Variants in ASTN2 observed in about 807,000 individuals in gnomAD.
ASTN2 encodes the protein astrotactin-2.
ASTN2 carries 54 observed loss-of-function variants against 139.8 expected under a neutral mutation model. The ratio of observed to expected loss-of-function variants is 0.39; its 90% CI spans 0.31 to 0.48. The LOEUF (loss-of-function observed/expected upper bound fraction) is 0.48, where lower values mean the gene tolerates loss of function less well. ASTN2 is among the 20% of genes least tolerant of loss of function. ASTN2 has a pLI of 0.95. For synonymous variants in ASTN2, 756 were observed against 719.5 expected, an observed-to-expected ratio of 1.05 and a Z score of -0.81; for missense variants, 1,565 against 1,725.1, an observed-to-expected ratio of 0.91 and a Z score of 1.64.
At chr9:116,840,982 C>G (rs540749820) in intron 11 of ASTN2, among the ~76,000 whole-genome samples, 1 of 152,064 alleles carries the variant, frequency 6.6e-6, no homozygotes, top group African/African-American at 2.4e-5. Flanking sequence ...GGGTGGCGGC[C>G]GGGCAGAGGC....
At chr9:116,970,678 C>T (rs954505997) in intron 10 of ASTN2, among the ~76,000 whole-genome samples, 1 of 152,196 alleles carries the variant, frequency 6.6e-6, no homozygotes, top group Non-Finnish European at 1.5e-5. Context: ...AGGAGACATT[C>T]CTAATTCTAT....
At chr9:117,093,013 C>T (rs1164358130) in intron 5 of ASTN2, among the ~76,000 whole-genome samples, 1 of 152,090 alleles carries the variant, frequency 6.6e-6, no homozygotes, top group East Asian at 1.9e-4. Flanking sequence ...AAACAGGGTG[C>T]AAAGGAACCT....
At chr9:117,241,996 T>A (rs1312236939) in intron 2 of ASTN2, among the ~76,000 whole-genome samples, 5 of 145,850 alleles carry the variant, frequency 3.4e-5, no homozygotes, top group African/African-American at 1.3e-4. Flanking sequence ...AAACTTTCTT[T>A]GGCAAGTCTT....
chr9:116,653,527 C>T (rs114274298), intron 16 of ASTN2, among the ~76,000 whole-genome samples: 3,458 of 152,286 alleles, frequency 0.023, 134 homozygotes, highest in African/African-American at 0.079. Context: ...ATGTGCAGTG[C>T]ATAATCTGAG....
At chr9:117,025,791 T>C (rs1381244958) in intron 6 of ASTN2, among the ~76,000 whole-genome samples, 1 of 143,362 alleles carries the variant, frequency 7.0e-6, no homozygotes, top group Non-Finnish European at 1.5e-5. Context: ...CTTTTTTCTT[T>C]TCTTTTCTTT....
At chr9:117,131,980 T>C (rs1829838413) in intron 4 of ASTN2, among the ~76,000 whole-genome samples, 5 of 152,198 alleles carry the variant, frequency 3.3e-5, no homozygotes. Flanking sequence ...CATGATTTTA[T>C]ATGGTCAAAT....
At chr9:117,274,560 A>G (rs1415376250) in intron 2 of ASTN2, among the ~76,000 whole-genome samples, 1 of 152,216 alleles carries the variant, frequency 6.6e-6, no homozygotes, top group Non-Finnish European at 1.5e-5. Flanking sequence ...ATTCCACACA[A>G]TCTTTGAAGA....
chr9:116,886,829 AG>A (rs1414647829), intron 10 of ASTN2, among the ~76,000 whole-genome samples: 1 of 152,170 alleles, frequency 6.6e-6, no homozygotes, highest in East Asian at 1.9e-4. Flanking sequence ...CCTCTCATGC[AG>A]GGGAGACAGA....
At chr9:116,934,748 ACC>A (rs1835016696) in intron 10 of ASTN2, among the ~76,000 whole-genome samples, 2 of 152,166 alleles carry the variant, frequency 1.3e-5, no homozygotes. Context: ...CTGTACTTGT[ACC>A]CTTGAACTTA....
intron 16 of ASTN2, among the ~76,000 whole-genome samples, chr9:116,723,799 C>A (rs754319200): frequency 5.3e-5 from 8 of 152,214 alleles, no homozygotes; most frequent in Non-Finnish European, 7.3e-5. Flanking sequence ...GACCTCAATG[C>A]ATCCTCTGTC....
chr9:117,080,062 A>G (rs1828386215), intron 5 of ASTN2, among the ~76,000 whole-genome samples: 1 of 151,300 alleles, frequency 6.6e-6, no homozygotes, highest in Non-Finnish European at 1.5e-5. Context: ...CTGGCTCCAA[A>G]GACCACAAAT....
At chr9:116,624,925 T>C (rs1856365798) in intron 17 of ASTN2, among the ~76,000 whole-genome samples, 1 of 152,168 alleles carries the variant, frequency 6.6e-6, no homozygotes, top group Non-Finnish European at 1.5e-5. Flanking sequence ...ACACAGTATC[T>C]AGCATTTAAC....
chr9:117,108,743 A>T (rs1829171854), intron 4 of ASTN2, among the ~76,000 whole-genome samples: 1 of 152,182 alleles, frequency 6.6e-6, no homozygotes, highest in Non-Finnish European at 1.5e-5. Context: ...GCTTTGTCAA[A>T]TATCTTGGGT....
chr9:116,923,021 C>A (rs982479386), intron 10 of ASTN2, among the ~76,000 whole-genome samples: 4 of 152,158 alleles, frequency 2.6e-5, no homozygotes, highest in African/African-American at 9.7e-5. Flanking sequence ...ATATTTCTTA[C>A]CTATATCTCA....
chr9:116,637,240 A>T (rs559682015), intron 17 of ASTN2, among the ~76,000 whole-genome samples: 3 of 152,334 alleles, frequency 2.0e-5, no homozygotes, highest in Non-Finnish European at 2.9e-5. Context: ...GATTTCCAGG[A>T]GAGAAGAAAA....
At chr9:117,145,606 T>C (rs573650730) in intron 3 of ASTN2, among the ~76,000 whole-genome samples, 1 of 152,186 alleles carries the variant, frequency 6.6e-6, no homozygotes, top group East Asian at 1.9e-4. Context: ...CAGGGTCCAA[T>C]AAAACCATGT....
intron 7 of ASTN2, among the ~76,000 whole-genome samples, chr9:117,007,065 C>A (rs980938624): frequency 2.6e-5 from 4 of 152,066 alleles, no homozygotes; most frequent in Non-Finnish European, 4.4e-5. Flanking sequence ...TGCAGTGAGT[C>A]GAGATCACGC....
At chr9:116,662,931 T>C (rs1564190617) in intron 16 of ASTN2, among the ~76,000 whole-genome samples, 1 of 152,160 alleles carries the variant, frequency 6.6e-6, no homozygotes, top group Non-Finnish European at 1.5e-5. Flanking sequence ...TCATTAGGCA[T>C]TCAAAGACTG....
intron 5 of ASTN2, among the ~76,000 whole-genome samples, chr9:117,083,044 A>G (rs1047504979): frequency 6.6e-6 from 1 of 151,986 alleles, no homozygotes; most frequent in African/African-American, 2.4e-5. Flanking sequence ...GGAATAATAT[A>G]TTTATTCATG....
Sources: allele counts gnomAD v4.1 joint callset (sites outside exome capture counted in the v4.1 genomes callset), GRCh38; gene constraint gnomAD v4.1.1; transcripts MANE v1.5; gene names NCBI Gene and HGNC (gene_info 2026-07-23, HGNC 2026-07-21).